The following CCDC194 variants were observed in gnomAD, a reference collection of about 807,000 sequenced individuals.
CCDC194 encodes coiled-coil domain-containing protein 194.
CCDC194 carries 8 observed loss-of-function variants against 4.9 expected under a neutral mutation model. The observed-to-expected ratio is 1.65, with a 90% CI of 0.97 to 2.97. The LOEUF is 2.97. CCDC194 is among the 30% of genes most tolerant of loss of function. The pLI, the probability that CCDC194 is intolerant of heterozygous loss-of-function variation, is 0.00. For synonymous variants in CCDC194, 13 were observed against 17.0 expected, an observed-to-expected ratio of 0.76 and a Z score of 0.58; for missense variants, 52 against 43.1, an observed-to-expected ratio of 1.21 and a Z score of -0.58.
chr19:17,388,970 C>T (rs1019144614), downstream of CCDC194, among the ~76,000 whole-genome samples: 1 of 152,002 alleles, frequency 6.6e-6, no homozygotes, highest in South Asian at 2.1e-4. Context: ...TCCCAAGTAG[C>T]TGGGGCTACA....
intron 1 of CCDC194, among the ~76,000 whole-genome samples, chr19:17,392,946 T>G (rs2074660375): frequency 6.6e-6 from 1 of 152,140 alleles, no homozygotes; most frequent in Admixed American, 6.6e-5. Flanking sequence ...CTTCCAAAAG[T>G]GCTAGGATTA....
chr19:17,391,062 G>C, intron 3 of CCDC194, 149 bp downstream of exon 3: 1 of 377,714 alleles, frequency 2.6e-6, no homozygotes, highest in Non-Finnish European at 4.6e-6. Context: ...TCCAATTCCA[G>C]GATCCCCCTA....
downstream of CCDC194, among the ~76,000 whole-genome samples, chr19:17,390,174 C>T (rs1568381599): frequency 6.6e-6 from 1 of 152,250 alleles, no homozygotes; most frequent in East Asian, 1.9e-4. The surrounding 1 kb of genome is among the most constrained non-coding windows in gnomAD (Gnocchi z 5.5). Flanking sequence ...GAAAGTGACC[C>T]TTTCCGGTTT....
chr19:17,392,948 CTAGGA>C (rs2074660384), intron 1 of CCDC194, among the ~76,000 whole-genome samples: 1 of 152,152 alleles, frequency 6.6e-6, no homozygotes, highest in Non-Finnish European at 1.5e-5. Flanking sequence ...TCCAAAAGTG[CTAGGA>C]TTACAGGCGT....
chr19:17,391,245 A>C, exon 3 of CCDC194: 1 of 402,118 alleles, frequency 2.5e-6, no homozygotes, highest in Non-Finnish European at 4.4e-6. Flanking sequence ...CGGGCCGCAC[A>C]GGCTTCGCCC....
chr19:17,393,085 A>G (rs889384838), intron 1 of CCDC194, among the ~76,000 whole-genome samples: 1 of 152,160 alleles, frequency 6.6e-6, no homozygotes, highest in Non-Finnish European at 1.5e-5. Flanking sequence ...TCACTCCATA[A>G]ATGGAAATGG....
chr19:17,391,531 G>A, intron 2 of CCDC194, 188 bp from the exon 3 acceptor site: 2 of 1,114,620 alleles, frequency 1.8e-6, no homozygotes, highest in East Asian at 2.6e-5. Context: ...CATTGCTTTC[G>A]TGAGTCGTTT....
chr19:17,387,335 G>A (rs939837117), downstream of CCDC194, among the ~76,000 whole-genome samples: 8 of 151,882 alleles, frequency 5.3e-5, no homozygotes, highest in South Asian at 2.1e-4. Flanking sequence ...CCCCTGGTTC[G>A]CTCCCCAGAG....
At chr19:17,393,966 C>A (rs1465942123) in exon 1 of CCDC194, 1 of 394,904 alleles carries the variant, frequency 2.5e-6, no homozygotes. Flanking sequence ...TCGTCGACCC[C>A]AGGCGGCGGG....
downstream of CCDC194, among the ~76,000 whole-genome samples, chr19:17,387,285 A>T (rs1027949184): frequency 6.6e-6 from 1 of 152,284 alleles, no homozygotes; most frequent in Non-Finnish European, 1.5e-5. Flanking sequence ...CAAAAGGTAC[A>T]TAGAGAAATG....
downstream of CCDC194, among the ~76,000 whole-genome samples, chr19:17,388,549 G>A (rs962809254): frequency 4.6e-5 from 7 of 151,760 alleles, no homozygotes; most frequent in African/African-American, 1.7e-4. Context: ...ACAGGTGCAT[G>A]CCACCATGCC....
At chr19:17,389,425 T>C (rs1350506118), downstream of CCDC194, among the ~76,000 whole-genome samples, 4 of 152,206 alleles carry the variant, frequency 2.6e-5, no homozygotes, top group Non-Finnish European at 5.9e-5. Context: ...TTCTTGTGAT[T>C]CAACCTACAG....
chr19:17,388,952 C>T (rs2048212136), downstream of CCDC194, among the ~76,000 whole-genome samples: 1 of 152,276 alleles, frequency 6.6e-6, no homozygotes, highest in Non-Finnish European at 1.5e-5. Flanking sequence ...GATCCTCCCG[C>T]CTCAGCCTCC....
At chr19:17,392,450 A>C (rs980663459) in intron 1 of CCDC194, among the ~76,000 whole-genome samples, 9 of 152,156 alleles carry the variant, frequency 5.9e-5, no homozygotes, top group Non-Finnish European at 1.5e-5. Flanking sequence ...TCCAGCCTGG[A>C]CAAAAGAGCA....
chr19:17,391,999 CAG>C, intron 1 of CCDC194, 153 bp from the exon 2 acceptor site: 2 of 704,312 alleles, frequency 2.8e-6, no homozygotes, highest in Non-Finnish European at 4.3e-6. Flanking sequence ...TTGTAAAATA[CAG>C]AAGTGGCTTC....
At chr19:17,392,863 G>A (rs1301833836) in intron 1 of CCDC194, among the ~76,000 whole-genome samples, 1 of 152,160 alleles carries the variant, frequency 6.6e-6, no homozygotes, top group Admixed American at 6.6e-5. Flanking sequence ...TGTATTTTTA[G>A]TAGAGACGGG....
At chr19:17,391,258 G>A (rs1349350727) in exon 3 of CCDC194, 2 of 406,248 alleles carry the variant, frequency 4.9e-6, no homozygotes, top group Non-Finnish European at 8.6e-6. Flanking sequence ...CTTCGCCCTC[G>A]GCCTCCGCCA....
chr19:17,390,432 C>T (rs879364032), downstream of CCDC194: 46 of 375,934 alleles, frequency 1.2e-4, no homozygotes, highest in African/African-American at 9.3e-4. The surrounding 1 kb of genome is among the most constrained non-coding windows in gnomAD (Gnocchi z 5.5). Flanking sequence ...CGTGGGGGTG[C>T]CTCTATACAC....
At chr19:17,391,672 G>C in intron 2 of CCDC194, 78 bp downstream of exon 2, 1 of 1,535,208 alleles carries the variant, frequency 6.5e-7, no homozygotes. Context: ...GTTTGCAACT[G>C]TGCTTGTTTG....
Sources: gnomAD v4.1 joint callset for allele counts (sites outside exome capture counted in the v4.1 genomes callset) on GRCh38, gnomAD v4.1.1 for gene constraint, Gnocchi (gnomAD v3.1) non-coding constraint, MANE v1.5 for transcripts, NCBI Gene and HGNC (gene_info 2026-07-23, HGNC 2026-07-21) for gene names.